Variants in SEPTIN8 observed in about 807,000 individuals in gnomAD.
The protein encoded by SEPTIN8 is septin-8.
In SEPTIN8, 22 loss-of-function variants were observed where a neutral mutation model predicts 53.1. The observed-to-expected ratio is 0.41, with a 90% CI of 0.30 to 0.59. The LOEUF (loss-of-function observed/expected upper bound fraction) is 0.59, where lower values mean the gene tolerates loss of function less well. Among genes scored for constraint, SEPTIN8 ranks in the 20% least tolerant of loss-of-function variants. The pLI, the probability that SEPTIN8 is intolerant of heterozygous loss-of-function variation, is 0.24. For missense variants in SEPTIN8, 536 were observed against 638.7 expected (o/e 0.84, Z 1.73); for synonymous variants, 228 against 248.4 (o/e 0.92, Z 0.77).
Position 132,760,665 on chromosome 5 carries a change from T to G in SEPTIN8, c.1286+137A>C, listed in dbSNP as rs1581151842. ...CCAAGAAAGCTGGGGGGAGAGCCAC[T>G]GAAGATGAGGGAAAACCAAACAGGA... On this transcript the variant is annotated intron_variant, in intron 9 of 9. Coordinates refer to ENST00000378719, the MANE Select transcript of SEPTIN8 (RefSeq NM_001098811.2). This position sits in a 1 kb window ranked among gnomAD's most constrained non-coding sequence, Gnocchi z 5.2. 1 of 798,830 alleles carries G rather than the reference T, an allele frequency of 1.3e-6. No individual in the cohort carries two copies. The highest frequency in any genetic ancestry group is 2.5e-5 in the East Asian group (1 of 39,696). The allele number at this position is 798,830 out of a possible 1,614,324, so 49.5% of individuals were successfully genotyped here.
chr5:132,777,387 G>C, upstream of SEPTIN8: 3 of 1,018,502 alleles, frequency 2.9e-6, no homozygotes, highest in Non-Finnish European at 3.5e-6. The surrounding 1 kb of genome is among the most constrained non-coding windows in gnomAD (Gnocchi z 4.1). Flanking sequence ...TGGACGGCCG[G>C]GGGTCTCCGC....
Position 132,776,195 on chromosome 5 carries a change from AGCCGACCAGG to A in SEPTIN8, c.30+903_30+912del, listed in dbSNP as rs1757774639. 7.2e-6 allele frequency among the ~76,000 whole-genome samples: 1 copy of A among 138,334 alleles called. No homozygotes were observed. Among genetic ancestry groups the A allele is most frequent in the Non-Finnish European group, 1.6e-5 (1 of 64,082 alleles). The allele number at this position is 138,334 out of a possible 152,430, so 90.8% of individuals were successfully genotyped here. ...TCCTTCTCCCCCTCCTCCCCCTTCCAGCCGACCAGGGCCTTACATGCTGGCAAGAGGACAC... is the reference window on the plus strand; with the variant it reads ...TCCTTCTCCCCCTCCTCCCCCTTCCAGCCTTACATGCTGGCAAGAGGACAC... On this transcript the variant is annotated intron_variant, in intron 1 of 9. Coordinates refer to ENST00000378719, the MANE Select transcript of SEPTIN8 (RefSeq NM_001098811.2). The surrounding 1 kb of genome is among the most constrained non-coding windows in gnomAD (Gnocchi z 4.4).
chr5:132,758,537 T>A (rs775884538), intron 9 of SEPTIN8: 5 of 1,613,114 alleles, frequency 3.1e-6, no homozygotes, highest in Non-Finnish European at 4.2e-6. Context: ...ACACTGTAAA[T>A]GGAAGACCAG....
At position 132,760,181 on chromosome 5, in the gene SEPTIN8, G is replaced by A. The variant is rs932794568; in HGVS notation, c.1286+621C>T. 6.6e-6 allele frequency among the ~76,000 whole-genome samples: 1 copy of A among 152,050 alleles called. No homozygotes were observed. Among genetic ancestry groups the A allele is most frequent in the African/African-American group, 2.4e-5 (1 of 41,388 alleles). On this transcript the variant is annotated intron_variant, in intron 9 of 9. Coordinates refer to ENST00000378719, the MANE Select transcript of SEPTIN8 (RefSeq NM_001098811.2). This position sits in a 1 kb window ranked among gnomAD's most constrained non-coding sequence, Gnocchi z 5.2. ...CCAGTGTTGGCTGGCGCGAGTGCCC[G>A]CAGTTCTCCATCACCACCTGCCAGC...
At chr5:132,770,113 A>ATGTG (rs1393460022) in intron 1 of SEPTIN8, among the ~76,000 whole-genome samples, 13 of 74,194 alleles carry the variant, frequency 1.8e-4, no homozygotes, top group Admixed American at 6.1e-4. Context: ...ATATATGTAT[A>ATGTG]TATATATATA....
chr5:132,754,385 A>C (rs751630071), intron 9 of SEPTIN8: 1 of 717,264 alleles, frequency 1.4e-6, no homozygotes, highest in East Asian at 2.7e-5. Context: ...ACAGTGCATG[A>C]GGCAGAAGGA....
rs1755015205 is a variant in SEPTIN8 at position 132,753,220 on chromosome 5, G to T, written c.1287-1039C>A. On this transcript the variant is annotated intron_variant, in intron 9 of 9. Transcript: ENST00000378719. Reference sequence around the variant, plus strand: ...CCTGTCTTCCCTTTTTCTCCTCTGGGCCTGAAGCCAGGGAGTATGAATGAA... The same window carrying T: ...CCTGTCTTCCCTTTTTCTCCTCTGGTCCTGAAGCCAGGGAGTATGAATGAA... The T allele has an allele frequency of 4.1e-6, 2 of 486,058 alleles. 1 individual carries two copies. Among genetic ancestry groups the T allele is most frequent in the South Asian group, 6.6e-5 (2 of 30,250 alleles). The allele number at this position is 486,058 out of a possible 1,614,324, so 30.1% of individuals were successfully genotyped here.
intron 4 of SEPTIN8, 118 bp downstream of exon 4, chr5:132,763,588 A>G: frequency 1.1e-6 from 1 of 920,596 alleles, no homozygotes; most frequent in Admixed American, 2.2e-5. Flanking sequence ...ATGGGGGGCC[A>G]CCCACAAGCC....
Position 132,763,888 on chromosome 5 carries a change from T to G in SEPTIN8, c.352A>C (p.Arg118=). The G allele has an allele frequency of 6.4e-7, 1 of 1,564,422 alleles. No individual in the cohort carries two copies. The highest frequency in any genetic ancestry group is 8.7e-7 in the Non-Finnish European group (1 of 1,153,718). Residue 118 remains arginine (R), a synonymous_variant, in exon 4 of 10, where the codon AGG becomes CGG. Coordinates refer to ENST00000378719, the MANE Select transcript of SEPTIN8 (RefSeq NM_001098811.2). ...GDQINKDESY[R]PIVDYIDAQF... ...GCATCGATGTAGTCAACTATGGGCC[T>G]GTAACTACAGACAGCTCCATCACCC...
chr5:132,761,950 G>GGGAGGGAGAGTCTGCCATT lies in SEPTIN8; in HGVS notation c.697-55_697-54insAATGGCAGACTCTCCCTCC. On this transcript the variant is annotated intron_variant, in intron 5 of 9. Transcript: ENST00000378719. This position sits in a 1 kb window ranked among gnomAD's most constrained non-coding sequence, Gnocchi z 5.8. ...CCTGAGCTGACACAGACTAATGGCAGACTCTCCCTCCCTGCCCCTGGGTCC... is the reference window on the plus strand; with the variant it reads ...CCTGAGCTGACACAGACTAATGGCAGGGAGGGAGAGTCTGCCATTACTCTCCCTCCCTGCCCCTGGGTCC... 1 of 1,477,130 alleles carries GGGAGGGAGAGTCTGCCATT rather than the reference G, an allele frequency of 6.8e-7. No individual in the cohort carries two copies. The highest frequency in any genetic ancestry group is 9.2e-7 in the Non-Finnish European group (1 of 1,087,882). The allele number at this position is 1,477,130 out of a possible 1,614,324, so 91.5% of individuals were successfully genotyped here.
chr5:132,757,777 T>A, intron 9 of SEPTIN8: 1 of 985,456 alleles, frequency 1.0e-6, no homozygotes, highest in Non-Finnish European at 1.2e-6. Flanking sequence ...CTTAAAATGT[T>A]CCCCTTTAGA....
intron 1 of SEPTIN8, among the ~76,000 whole-genome samples, chr5:132,774,981 G>C (rs1478083227): frequency 2.0e-5 from 3 of 152,168 alleles, no homozygotes; most frequent in Non-Finnish European, 4.4e-5. Flanking sequence ...CTCCACCCAA[G>C]GTCTCCACCC....
chr5:132,777,134 C>T lies in SEPTIN8; in HGVS notation c.4G>A (p.Ala2Thr). 8.5e-7 allele frequency: 1 copy of T among 1,170,966 alleles called. No individual in the cohort carries two copies. The highest frequency in any genetic ancestry group is 1.1e-6 in the Non-Finnish European group (1 of 948,576). 72.5% of individuals were successfully genotyped at this position (1,170,966 alleles called of 1,614,324 possible). The change falls in exon 1 of 10, where the codon GCG (alanine) becomes ACG (threonine). Residue 2 changes from alanine (A) to threonine (T), a missense_variant. By Grantham distance (58) the Ala-to-Thr change is moderately conservative. This residue lies in a region of SEPTIN8 where 395 missense variants were observed against 451.8 expected (regional missense o/e 0.87). Transcript: ENST00000378719. The surrounding 1 kb of genome is among the most constrained non-coding windows in gnomAD (Gnocchi z 4.1). ...GAGAAGCGCTCCAGGTCGGTGGCCG[C>T]CATGGCGAGCTCCGCACCGGGCGGG... MAATDLERFSNA... is the reference protein window; with the variant it reads MTATDLERFSNA...
At chr5:132,766,079 C>T (rs572893617) in intron 1 of SEPTIN8, among the ~76,000 whole-genome samples, 1 of 152,338 alleles carries the variant, frequency 6.6e-6, no homozygotes, top group South Asian at 2.1e-4. Flanking sequence ...GCTCGTAGCC[C>T]TCCATGTTCA....
At chr5:132,768,196 G>C (rs1756821121) in intron 1 of SEPTIN8, among the ~76,000 whole-genome samples, 1 of 152,056 alleles carries the variant, frequency 6.6e-6, no homozygotes, top group African/African-American at 2.4e-5. Flanking sequence ...GTACAGGGAG[G>C]TCATCATCCC....
intron 1 of SEPTIN8, among the ~76,000 whole-genome samples, chr5:132,770,875 A>G (rs564361821): frequency 5.8e-4 from 88 of 152,302 alleles, no homozygotes; most frequent in Middle Eastern, 3.4e-3. Context: ...CTACATATGC[A>G]ATGAGAAACT....
rs984946289 is a variant in SEPTIN8, at chr5:132,777,011, G to A, written c.30+97C>T. On this transcript the variant is annotated intron_variant, in intron 1 of 9. Coordinates refer to ENST00000378719, the MANE Select transcript of SEPTIN8 (RefSeq NM_001098811.2). The surrounding 1 kb of genome is among the most constrained non-coding windows in gnomAD (Gnocchi z 4.1). The stretch of plus-strand genomic sequence containing the variant: ...CCCGGTGTCGAGGCCCGGCCGTGAG[G>A]CGCTGACAGCCCGCTTCGCGCCCCC... 169 of 766,342 alleles carry A rather than the reference G, an allele frequency of 2.2e-4. No homozygotes were observed. The highest frequency in any genetic ancestry group is 5.1e-4 in the Middle Eastern group (1 of 1,974). The allele number at this position is 766,342 out of a possible 1,614,324, so 47.5% of individuals were successfully genotyped here. A position where few individuals can be genotyped will look rare whatever the true frequency, so the allele number is the denominator to read the frequency against.
rs754363741 is a variant in SEPTIN8, at chr5:132,761,309, G to A, written c.963-44C>T. ...AAGAGGCCAAGGATGGGATTATGAC[G>A]GAATGGGATAGGGCAGGGCAGAGCC... On this transcript the variant is annotated intron_variant, in intron 7 of 9. Coordinates refer to ENST00000378719, the MANE Select transcript of SEPTIN8 (RefSeq NM_001098811.2). The surrounding 1 kb of genome is among the most constrained non-coding windows in gnomAD (Gnocchi z 5.8). 21 of 1,609,356 alleles carry A rather than the reference G, an allele frequency of 1.3e-5. No individual in the cohort carries two copies. Among genetic ancestry groups the A allele is most frequent in the East Asian group, 1.1e-4 (5 of 44,892 alleles).
rs1023944234 is a variant in SEPTIN8 at position 132,751,531 on chromosome 5, G to C, written c.*485C>G. The stretch of plus-strand genomic sequence containing the variant: ...AAATTATGCAATGTGGAAATCTCAT[G>C]GGGTTTTGGTTTGTTATGAAGCATG... On this transcript the variant is annotated 3_prime_UTR_variant, in exon 10 of 10. Transcript: ENST00000378719. 11 of 201,616 alleles carry C rather than the reference G, an allele frequency of 5.5e-5. No individual in the cohort carries two copies. Among genetic ancestry groups the C allele is most frequent in the African/African-American group, 2.6e-4 (11 of 42,620 alleles). The allele number at this position is 201,616 out of a possible 1,614,324, so 12.5% of individuals were successfully genotyped here.
Sources: allele counts gnomAD v4.1 joint callset (sites outside exome capture counted in the v4.1 genomes callset), GRCh38; gene constraint gnomAD v4.1.1; regional missense constraint gnomAD v4.1.1; non-coding constraint Gnocchi (gnomAD v3.1); transcripts MANE v1.5; gene names NCBI Gene and HGNC (gene_info 2026-07-23, HGNC 2026-07-21).